CHLSN: variants seen among roughly 807,000 people sequenced by gnomAD.
CHLSN encodes protein cholesin.
chr7:1,011,595 TACCC>T, the CHLSN span, among the ~76,000 whole-genome samples: 1 of 113,294 alleles, frequency 8.8e-6, no homozygotes, highest in African/African-American at 3.7e-5. Context: ...CATCCCAACA[TACCC>T]ACAGCCACAC....
At chr7:1,130,034 C>T in the CHLSN span, among the ~76,000 whole-genome samples, 14 of 152,186 alleles carry the variant, frequency 9.2e-5, no homozygotes, top group Non-Finnish European at 1.3e-4. Context: ...CATCACAGGA[C>T]ACCTGGCACC....
the CHLSN span, among the ~76,000 whole-genome samples, chr7:1,016,831 A>G: frequency 2.3e-4 from 29 of 123,444 alleles, no homozygotes; most frequent in African/African-American, 2.9e-4. Context: ...AGCAGCGCAC[A>G]GCAGCGCACG....
At chr7:1,093,427 G>A in the CHLSN span, 1 of 462,572 alleles carries the variant, frequency 2.2e-6, no homozygotes, top group African/African-American at 2.0e-5. Flanking sequence ...GCACGCCTGA[G>A]CGTCCTCCAT....
the CHLSN span, chr7:987,581 G>C: frequency 6.9e-7 from 1 of 1,450,756 alleles, no homozygotes; most frequent in Non-Finnish European, 9.1e-7. Context: ...GGTAGGCCTC[G>C]GCGGGGGTCC....
At chr7:991,187 C>T in the CHLSN span, among the ~76,000 whole-genome samples, 1 of 152,106 alleles carries the variant, frequency 6.6e-6, no homozygotes, top group African/African-American at 2.4e-5. Context: ...TGAGGGACAC[C>T]AAGTACAGGG....
At chr7:1,053,308 G>A in the CHLSN span, among the ~76,000 whole-genome samples, 3 of 152,260 alleles carry the variant, frequency 2.0e-5, no homozygotes, top group Admixed American at 6.5e-5. Flanking sequence ...GTGTGGCGAC[G>A]GCGGGGGAGG....
At chr7:1,135,612 C>A in the CHLSN span, among the ~76,000 whole-genome samples, 1 of 151,092 alleles carries the variant, frequency 6.6e-6, no homozygotes, top group East Asian at 1.9e-4. Context: ...ACTGAAAACA[C>A]AAAAATTAGC....
the CHLSN span, chr7:1,058,264 A>C: frequency 2.6e-6 from 2 of 771,962 alleles, no homozygotes; most frequent in Admixed American, 1.7e-5. Context: ...ACGCCACACT[A>C]TCTGATCCTG....
At chr7:1,131,224 C>G in the CHLSN span, among the ~76,000 whole-genome samples, 2 of 145,228 alleles carry the variant, frequency 1.4e-5, no homozygotes, top group African/African-American at 5.1e-5. Context: ...AAGAGTAAAG[C>G]AGGATAGGTT....
chr7:1,016,146 GCAGCACACGC>G, the CHLSN span, among the ~76,000 whole-genome samples: 6 of 96,314 alleles, frequency 6.2e-5, 1 homozygote, highest in Admixed American at 4.3e-4. Context: ...CCAGCACACA[GCAGCACACGC>G]CAGCACACAG....
chr7:1,016,392 CCAGCACACAG>C, the CHLSN span, among the ~76,000 whole-genome samples: 74 of 56,370 alleles, frequency 1.3e-3, 4 homozygotes, highest in African/African-American at 5.8e-3. Context: ...GCAGCACACG[CCAGCACACAG>C]CAGCACACAG....
the CHLSN span, among the ~76,000 whole-genome samples, chr7:1,090,033 G>A: frequency 6.6e-5 from 10 of 151,264 alleles, no homozygotes; most frequent in South Asian, 2.1e-4. Context: ...GCAGTGAGCC[G>A]AGATTGTGCC....
At chr7:990,012 C>T in the CHLSN span, among the ~76,000 whole-genome samples, 2 of 25,418 alleles carry the variant, frequency 7.9e-5, no homozygotes. Flanking sequence ...GTGTGAGTGG[C>T]GCGTGTGCTG....
the CHLSN span, chr7:985,291 G>A: frequency 6.4e-7 from 1 of 1,551,610 alleles, no homozygotes; most frequent in Non-Finnish European, 8.7e-7. Context: ...CATCGATGAG[G>A]TCATGGTCCT....
At chr7:1,010,012 A>G in the CHLSN span, 4 of 1,602,352 alleles carry the variant, frequency 2.5e-6, no homozygotes, top group East Asian at 2.2e-5. Flanking sequence ...GCTGGGCCAC[A>G]AGGCCTGCCT....
At chr7:1,016,508 G>A in the CHLSN span, among the ~76,000 whole-genome samples, 1 of 101,436 alleles carries the variant, frequency 9.9e-6, no homozygotes, top group Non-Finnish European at 2.0e-5. Context: ...CAGCAGCACA[G>A]CAGCGCACAG....
At chr7:1,078,648 G>C in the CHLSN span, among the ~76,000 whole-genome samples, 1 of 152,118 alleles carries the variant, frequency 6.6e-6, no homozygotes, top group Non-Finnish European at 1.5e-5. Context: ...ATGCACTCCC[G>C]GGGGGTTGGC....
At chr7:1,028,183 G>T in the CHLSN span, 1 of 955,572 alleles carries the variant, frequency 1.0e-6, no homozygotes, top group Non-Finnish European at 1.2e-6. Context: ...CTGTCGCCGC[G>T]GGGCGGGGCT....
chr7:1,093,965 G>GCCGGCCAA, the CHLSN span: 3 of 322,706 alleles, frequency 9.3e-6, no homozygotes, highest in Non-Finnish European at 1.8e-5. Context: ...AGTCCGGCCA[G>GCCGGCCAA]CCGGACCTAA....
Sources: allele counts gnomAD v4.1 joint callset (sites outside exome capture counted in the v4.1 genomes callset), GRCh38; gene constraint gnomAD v4.1.1; transcripts MANE v1.5; gene names NCBI Gene and HGNC (gene_info 2026-07-23, HGNC 2026-07-21).